The following MAGI3 variants were observed in gnomAD, a reference collection of about 807,000 sequenced individuals.
MAGI3 encodes the protein membrane associated guanylate kinase, WW and PDZ domain containing 3, also known as membrane-associated guanylate kinase, WW and PDZ domain-containing protein 3.
In MAGI3, 43 loss-of-function variants were observed where a neutral mutation model predicts 121.8. That is an observed-to-expected ratio of 0.35 (90% CI 0.28 to 0.46). MAGI3 has a LOEUF of 0.46. MAGI3 is among the 20% of genes least tolerant of loss of function. MAGI3 has a pLI of 1.00. For synonymous variants in MAGI3, 553 were observed against 639.3 expected (o/e 0.86, Z 2.04); for missense variants, 1,547 against 1,797.3 (o/e 0.86, Z 2.52).
At chr1:113,668,178 G>C (rs935934049) in intron 16 of MAGI3, among the ~76,000 whole-genome samples, 1 of 152,100 alleles carries the variant, frequency 6.6e-6, no homozygotes, top group African/African-American at 2.4e-5. Context: ...ACATGCTGTT[G>C]GAAAAATGGC....
chr1:113,394,791 C>T (rs1347770038), intron 1 of MAGI3, among the ~76,000 whole-genome samples: 1 of 152,094 alleles, frequency 6.6e-6, no homozygotes, highest in Non-Finnish European at 1.5e-5. Flanking sequence ...CATTCAACTA[C>T]CCTAAGCAAG....
At chr1:113,421,052 G>A (rs1652710150) in intron 1 of MAGI3, among the ~76,000 whole-genome samples, 1 of 151,918 alleles carries the variant, frequency 6.6e-6, no homozygotes, top group South Asian at 2.1e-4. Context: ...TTCTTGAAAG[G>A]TATTTTTGCT....
In MAGI3 at chr1:113,652,319, C is replaced by T. The variant is rs556258986; in HGVS notation, c.2440+1113C>T. ...GTAGTTATCTGCTGTAAGCTCGGCACCTAAAAGAGTGCCTGTCTGGTACAA... is the reference window on the plus strand; with the variant it reads ...GTAGTTATCTGCTGTAAGCTCGGCATCTAAAAGAGTGCCTGTCTGGTACAA... On this transcript the variant is annotated intron_variant, in intron 14 of 20. Transcript: ENST00000307546. Among the ~76,000 whole-genome samples the T allele has an allele frequency of 2.5e-4, 38 of 152,246 alleles. 1 individual carries two copies. Among genetic ancestry groups the T allele is most frequent in the African/African-American group, 8.4e-4 (35 of 41,550 alleles).
intron 1 of MAGI3, among the ~76,000 whole-genome samples, chr1:113,462,241 A>G (rs1216441673): frequency 2.0e-5 from 3 of 152,180 alleles, no homozygotes; most frequent in Non-Finnish European, 4.4e-5. Context: ...AAATCATTCT[A>G]CTGTAAAGAC....
chr1:113,441,974 T>C (rs1487641632), intron 1 of MAGI3, among the ~76,000 whole-genome samples: 1 of 152,210 alleles, frequency 6.6e-6, no homozygotes. Context: ...ATTCTTTGGC[T>C]TAACTAAATT....
rs1648312022 is a variant in MAGI3, at chr1:113,683,038, G to A, written c.3470G>A (p.Cys1157Tyr). 6.2e-7 allele frequency: 1 copy of A among 1,613,918 alleles called. No individual in the cohort carries two copies. Among genetic ancestry groups the A allele is most frequent in the Non-Finnish European group, 8.5e-7 (1 of 1,179,874 alleles). Residue 1157 changes from cysteine (C) to tyrosine (Y), a missense_variant, in exon 21 of 21, where the codon TGT becomes TAT. Physicochemically the swap from Cys to Tyr is radical, Grantham distance 194. Transcript: ENST00000307546. ...GAAGAATCTTTGAGAGTTCAGATAT[G>A]TGAAAAGGCAGAAGAATTAAAGGAC... The part of the protein sequence containing the change: ...VIEESLRVQI[C>Y]EKAEELKDIV...
At chr1:113,521,038 C>T (rs947043619) in intron 1 of MAGI3, among the ~76,000 whole-genome samples, 1 of 151,760 alleles carries the variant, frequency 6.6e-6, no homozygotes, top group African/African-American at 2.4e-5. Flanking sequence ...TCAGCCATCA[C>T]AAACATTTTA....
At chr1:113,539,132 C>T (rs559613678) in intron 1 of MAGI3, among the ~76,000 whole-genome samples, 1 of 152,098 alleles carries the variant, frequency 6.6e-6, no homozygotes, top group African/African-American at 2.4e-5. Flanking sequence ...TGGTGGCTCA[C>T]TCCTGTAATC....
chr1:113,683,481 G>A lies in MAGI3; in HGVS notation c.3913G>A (p.Glu1305Lys), dbSNP rs1648343880. 4.3e-6 allele frequency: 7 copies of A among 1,613,950 alleles called. No individual in the cohort carries two copies. The highest frequency in any genetic ancestry group is 1.6e-4 in the Middle Eastern group (1 of 6,062). The change falls in exon 21 of 21, where the codon GAG (glutamate) becomes AAG (lysine). Residue 1305 changes from glutamate (E) to lysine (K), a missense_variant. By Grantham distance (56) the Glu-to-Lys change is moderately conservative. Coordinates refer to ENST00000307546, the MANE Select transcript of MAGI3 (RefSeq NM_001142782.2). ...AGGAAGCAAAGCTCCATCAAATGCT[G>A]AGGCCAAATTATTAGAGGGTAAGAG... is the stretch of plus-strand genomic sequence containing the variant. ...IEGSKAPSNA[E>K]AKLLEGKSRR...
chr1:113,497,326 CA>C (rs566115345), intron 1 of MAGI3, among the ~76,000 whole-genome samples: 1,914 of 125,908 alleles, frequency 0.015, 170 homozygotes, highest in Non-Finnish European at 0.023. Context: ...TAGGGAGTGC[CA>C]GACAGTGGGC....
At chr1:113,436,498 G>A (rs1334008096) in intron 1 of MAGI3, among the ~76,000 whole-genome samples, 3 of 152,206 alleles carry the variant, frequency 2.0e-5, no homozygotes, top group South Asian at 4.1e-4. Flanking sequence ...AAATGAATCC[G>A]TAGATCAGCA....
intron 2 of MAGI3, among the ~76,000 whole-genome samples, chr1:113,565,277 A>G (rs1216413071): frequency 6.6e-6 from 1 of 152,234 alleles, no homozygotes; most frequent in Admixed American, 6.5e-5. Flanking sequence ...ATTATTAAGA[A>G]TGTATCCAAA....
chr1:113,591,954 T>C (rs1648717297), intron 5 of MAGI3, among the ~76,000 whole-genome samples: 1 of 152,084 alleles, frequency 6.6e-6, no homozygotes, highest in Non-Finnish European at 1.5e-5. Flanking sequence ...AAGATCTAAA[T>C]GTAAGACCTG....
chr1:113,672,829 A>G lies in MAGI3; in HGVS notation c.3045+88A>G, dbSNP rs191779931. ...GAATTTTTATTGCAAATCAGTTCAG[A>G]TAAATTTGTTTCCAAAACTAATAAT... On this transcript the variant is annotated intron_variant, in intron 18 of 20. Coordinates refer to ENST00000307546, the MANE Select transcript of MAGI3 (RefSeq NM_001142782.2). 352 of 1,469,322 alleles carry G rather than the reference A, an allele frequency of 2.4e-4. No individual in the cohort carries two copies. The African/African-American group carries it at 4.6e-3, about 19-fold the overall frequency. The allele number at this position is 1,469,322 out of a possible 1,614,324, so 91.0% of individuals were successfully genotyped here.
intron 1 of MAGI3, among the ~76,000 whole-genome samples, chr1:113,491,792 C>T (rs1470091005): frequency 1.3e-5 from 2 of 151,870 alleles, no homozygotes; most frequent in African/African-American, 4.8e-5. Flanking sequence ...TTTCCTGGAC[C>T]CATATACCCT....
chr1:113,493,211 G>A (rs1487269285), intron 1 of MAGI3, among the ~76,000 whole-genome samples: 3 of 152,114 alleles, frequency 2.0e-5, no homozygotes, highest in African/African-American at 7.2e-5. Flanking sequence ...CAATGGAATG[G>A]ATTAGAGAAC....
rs1475901524 is a variant in MAGI3, at chr1:113,641,081, GAGATATATATT to G, written c.1361-828_1361-818del. Among the ~76,000 whole-genome samples, 68 of 47,616 alleles carry G rather than the reference GAGATATATATT, an allele frequency of 1.4e-3. 2 individuals carry two copies. Among genetic ancestry groups the G allele is most frequent in the African/African-American group, 4.8e-3 (57 of 11,778 alleles). 31.2% of individuals were successfully genotyped at this position (47,616 alleles called of 152,430 possible). ...TATATATGATATATATAATATATATGAGATATATATTATATATATGATATATAAATATATAT... is the reference window on the plus strand; with the variant it reads ...TATATATGATATATATAATATATATGATATATATGATATATAAATATATAT... On this transcript the variant is annotated intron_variant, in intron 9 of 20. Transcript: ENST00000307546.
chr1:113,504,685 C>T (rs1233563273), intron 1 of MAGI3, among the ~76,000 whole-genome samples: 1 of 152,064 alleles, frequency 6.6e-6, no homozygotes, highest in African/African-American at 2.4e-5. Flanking sequence ...TACACATACT[C>T]TATGCTCCAG....
Position 113,683,176 on chromosome 1 carries a change from G to A in MAGI3, c.3608G>A (p.Ser1203Asn). Reference sequence around the variant, plus strand: ...GATCCACCCAGCAGTCATGGGCACAGTAACAAGAAAAATCTATTAAAAGTA... The same window carrying A: ...GATCCACCCAGCAGTCATGGGCACAATAACAAGAAAAATCTATTAAAAGTA... ...KRDPPSSHGHSNKKNLLKVEN... is the reference protein window; with the variant it reads ...KRDPPSSHGHNNKKNLLKVEN... The change falls in exon 21 of 21, where the codon AGT (serine) becomes AAT (asparagine). Residue 1203 changes from serine (S) to asparagine (N), a missense_variant. By Grantham distance (46) the Ser-to-Asn change is conservative. Coordinates refer to ENST00000307546, the MANE Select transcript of MAGI3 (RefSeq NM_001142782.2). The A allele has an allele frequency of 6.2e-7, 1 of 1,613,938 alleles. No homozygotes were observed. Among genetic ancestry groups the A allele is most frequent in the Non-Finnish European group, 8.5e-7 (1 of 1,179,888 alleles).
Sources: allele counts gnomAD v4.1 joint callset (sites outside exome capture counted in the v4.1 genomes callset), GRCh38; gene constraint gnomAD v4.1.1; transcripts MANE v1.5; gene names NCBI Gene and HGNC (gene_info 2026-07-23, HGNC 2026-07-21).